Variants in MAPK8 observed in about 807,000 individuals in gnomAD.
The protein encoded by MAPK8 is JUN N-terminal kinase.
A neutral mutation model predicts 52.9 loss-of-function variants in MAPK8; 13 were observed. The ratio of observed to expected loss-of-function variants is 0.25; its 90% CI spans 0.16 to 0.39. MAPK8 has a LOEUF of 0.39. Among genes scored for constraint, MAPK8 ranks in the 10% least tolerant of loss-of-function variants. MAPK8 has a pLI of 1.00. For missense variants in MAPK8, 300 were observed against 519.2 expected (o/e 0.58, Z 4.10); for synonymous variants, 191 against 169.8 (o/e 1.12, Z -0.97).
chr10:48,310,394 A>C (rs1385061649), intron 1 of MAPK8, among the ~76,000 whole-genome samples: 1 of 152,182 alleles, frequency 6.6e-6, no homozygotes, highest in East Asian at 1.9e-4. Context: ...TTCAGAAGCC[A>C]AAAAAATTGT....
chr10:48,411,235 G>A (rs2042730344), intron 5 of MAPK8, among the ~76,000 whole-genome samples: 2 of 152,164 alleles, frequency 1.3e-5, no homozygotes, highest in South Asian at 2.1e-4. Flanking sequence ...TCTTCTAAGA[G>A]TTTTATAGTT....
chr10:48,336,156 CTGAT>C (rs778546651), intron 1 of MAPK8, among the ~76,000 whole-genome samples: 1 of 151,880 alleles, frequency 6.6e-6, no homozygotes, highest in Non-Finnish European at 1.5e-5. Context: ...TCTACCCTGA[CTGAT>C]GAGTATTAAA....
chr10:48,433,053 A>T (rs1408193769), intron 11 of MAPK8, among the ~76,000 whole-genome samples: 1 of 152,140 alleles, frequency 6.6e-6, no homozygotes, highest in Admixed American at 6.6e-5. Flanking sequence ...TGGTTTGGCT[A>T]ATAGTAAAGT....
chr10:48,380,150 GA>G (rs1442473726), intron 1 of MAPK8, among the ~76,000 whole-genome samples: 2 of 152,078 alleles, frequency 1.3e-5, no homozygotes, highest in Non-Finnish European at 2.9e-5. Flanking sequence ...GCTGAGGCAG[GA>G]GAATCACTTG....
chr10:48,403,182 G>T (rs895800737), intron 2 of MAPK8, among the ~76,000 whole-genome samples: 2 of 152,122 alleles, frequency 1.3e-5, no homozygotes, highest in Admixed American at 1.3e-4. Context: ...AGAGCAAGCC[G>T]GGCGCGGTGG....
chr10:48,375,021 A>T (rs917461722), intron 1 of MAPK8, among the ~76,000 whole-genome samples: 2 of 152,178 alleles, frequency 1.3e-5, no homozygotes, highest in African/African-American at 4.8e-5. Flanking sequence ...CCAGCAGCAC[A>T]TCAAAAAGCT....
intron 1 of MAPK8, among the ~76,000 whole-genome samples, chr10:48,386,480 C>T (rs958623590): frequency 3.3e-5 from 5 of 152,238 alleles, no homozygotes; most frequent in South Asian, 2.1e-4. Context: ...TGAAAATTGA[C>T]GTTGCTTTAC....
intron 1 of MAPK8, among the ~76,000 whole-genome samples, chr10:48,316,398 T>C (rs1375868033): frequency 6.6e-6 from 1 of 152,172 alleles, no homozygotes; most frequent in East Asian, 1.9e-4. Flanking sequence ...TTCCATGATG[T>C]TTGCACAGTG....
chr10:48,392,538 G>A (rs1274220915), intron 1 of MAPK8, among the ~76,000 whole-genome samples: 2 of 151,646 alleles, frequency 1.3e-5, no homozygotes, highest in African/African-American at 4.8e-5. Flanking sequence ...CTTTTTTATG[G>A]TAGTGACACA....
chr10:48,398,485 A>C (rs1305325389), intron 1 of MAPK8, among the ~76,000 whole-genome samples: 1 of 152,218 alleles, frequency 6.6e-6, no homozygotes, highest in African/African-American at 2.4e-5. Context: ...GACCTCTCAC[A>C]TGTTGCTGGT....
intron 1 of MAPK8, among the ~76,000 whole-genome samples, chr10:48,317,298 C>T (rs1020547589): frequency 2.6e-5 from 4 of 152,180 alleles, no homozygotes; most frequent in African/African-American, 9.7e-5. Flanking sequence ...TCTCAGCCTC[C>T]AGCCTCCCGA....
intron 1 of MAPK8, among the ~76,000 whole-genome samples, chr10:48,393,933 G>A (rs1408599025): frequency 6.6e-6 from 1 of 151,772 alleles, no homozygotes; most frequent in Non-Finnish European, 1.5e-5. Context: ...TAAAATTCTA[G>A]CCAGACTGAT....
At chr10:48,364,328 A>T (rs1847835686) in intron 1 of MAPK8, among the ~76,000 whole-genome samples, 1 of 151,974 alleles carries the variant, frequency 6.6e-6, no homozygotes, top group African/African-American at 2.4e-5. Flanking sequence ...GAGTTTTTGA[A>T]GCCAAATAAT....
chr10:48,326,759 A>C (rs909744556), intron 1 of MAPK8, among the ~76,000 whole-genome samples: 3 of 152,202 alleles, frequency 2.0e-5, no homozygotes, highest in Non-Finnish European at 4.4e-5. Flanking sequence ...ATCTATTACC[A>C]TACGGATCAT....
At chr10:48,361,571 T>G (rs560778050) in intron 1 of MAPK8, among the ~76,000 whole-genome samples, 1 of 152,336 alleles carries the variant, frequency 6.6e-6, no homozygotes, top group African/African-American at 2.4e-5. Flanking sequence ...AAATGTATTA[T>G]AGCTATCATC....
chr10:48,352,565 C>T (rs546640446), intron 1 of MAPK8, among the ~76,000 whole-genome samples: 30 of 152,098 alleles, frequency 2.0e-4, no homozygotes, highest in Non-Finnish European at 3.4e-4. Flanking sequence ...TGACAAAATT[C>T]AATACCATTT....
At chr10:48,340,492 A>C (rs1845146441) in intron 1 of MAPK8, among the ~76,000 whole-genome samples, 1 of 152,152 alleles carries the variant, frequency 6.6e-6, no homozygotes, top group South Asian at 2.1e-4. Flanking sequence ...AGAATTATGC[A>C]ATGTACCCAT....
At chr10:48,313,341 G>A (rs543276586) in intron 1 of MAPK8, among the ~76,000 whole-genome samples, 6 of 152,238 alleles carry the variant, frequency 3.9e-5, no homozygotes, top group African/African-American at 1.4e-4. Context: ...GTTGAGGCAG[G>A]AGAATCTCTT....
chr10:48,306,926 C>T (rs1271433341), intron 1 of MAPK8, 105 bp downstream of exon 1: 1 of 152,366 alleles, frequency 6.6e-6, no homozygotes, highest in Admixed American at 6.6e-5. Context: ...CCGTAACCCC[C>T]TCCTGGGAGT....
Sources: gnomAD v4.1 joint callset for allele counts (sites outside exome capture counted in the v4.1 genomes callset) on GRCh38, gnomAD v4.1.1 for gene constraint, MANE v1.5 for transcripts, NCBI Gene and HGNC (gene_info 2026-07-23, HGNC 2026-07-21) for gene names.